SUPT3H: variants seen among roughly 807,000 people sequenced by gnomAD.
SUPT3H encodes the protein SPT3 homolog, SAGA and STAGA complex component.
In SUPT3H, 44 loss-of-function variants were observed where a neutral mutation model predicts 44.3. That is an observed-to-expected ratio of 0.99 (90% CI 0.78 to 1.28). The LOEUF (loss-of-function observed/expected upper bound fraction) is 1.28, where lower values mean the gene tolerates loss of function less well. Among genes scored for constraint, SUPT3H ranks in the 50% most tolerant of loss-of-function variants. SUPT3H has a pLI of 0.00. For missense variants in SUPT3H, 380 were observed against 387.1 expected (o/e 0.98, Z 0.15); for synonymous variants, 124 against 125.6 (o/e 0.99, Z 0.09).
intron 10 of SUPT3H, among the ~76,000 whole-genome samples, chr6:44,895,337 T>A (rs1763975508): frequency 6.6e-6 from 1 of 151,018 alleles, no homozygotes; most frequent in South Asian, 2.1e-4. Flanking sequence ...CAAGGGATCT[T>A]CCTGTTTCAG....
Position 45,158,298 on chromosome 6 carries a change from A to ATATATTTTTTTTTT in SUPT3H, c.102-52293_102-52292insAAAAAAAAAATATA. Among the ~76,000 whole-genome samples the ATATATTTTTTTTTT allele has an allele frequency of 5.0e-5, 5 of 99,688 alleles. 1 individual carries two copies. Among genetic ancestry groups the ATATATTTTTTTTTT allele is most frequent in the African/African-American group, 2.5e-4 (5 of 19,982 alleles). The allele number at this position is 99,688 out of a possible 152,430, so 65.4% of individuals were successfully genotyped here. A position where few individuals can be genotyped will look rare whatever the true frequency, so the allele number is the denominator to read the frequency against. On this transcript the variant is annotated intron_variant, in intron 2 of 10. Coordinates refer to ENST00000371459, the MANE Select transcript of SUPT3H (RefSeq NM_003599.4). ...TACATATATATATATATATATATAT[A>ATATATTTTTTTTTT]TTTTTTTTTTTTTTTTTTTGAGATG... is the stretch of plus-strand genomic sequence containing the variant.
intron 2 of SUPT3H, among the ~76,000 whole-genome samples, chr6:45,231,209 T>C (rs1171887266): frequency 1.3e-5 from 2 of 152,206 alleles, no homozygotes; most frequent in African/African-American, 4.8e-5. Flanking sequence ...AGTGTTTTCA[T>C]AATGGTAACT....
intron 2 of SUPT3H, among the ~76,000 whole-genome samples, chr6:45,157,610 A>G (rs539819985): frequency 6.6e-6 from 1 of 151,910 alleles, no homozygotes; most frequent in East Asian, 1.9e-4. Context: ...GTGCAGTGGC[A>G]CTATCTCAGC....
At chr6:44,811,215 C>T (rs1766497450) in intron 11 of SUPT3H, among the ~76,000 whole-genome samples, 1 of 152,124 alleles carries the variant, frequency 6.6e-6, no homozygotes, top group Non-Finnish European at 1.5e-5. Flanking sequence ...CTTTCCTTGA[C>T]AGTTTTGAGG....
chr6:44,962,660 C>T (rs1249522045), intron 6 of SUPT3H, among the ~76,000 whole-genome samples: 1 of 151,418 alleles, frequency 6.6e-6, no homozygotes, highest in African/African-American at 2.4e-5. Flanking sequence ...ACCATTTCTT[C>T]TAATGTCTGT....
intron 2 of SUPT3H, among the ~76,000 whole-genome samples, chr6:45,165,168 G>A (rs1583952338): frequency 6.6e-6 from 1 of 152,120 alleles, no homozygotes; most frequent in South Asian, 2.1e-4. Flanking sequence ...CCTGTCTGTG[G>A]TGCAACCCTA....
At chr6:45,131,436 C>CAA (rs1389538597) in intron 2 of SUPT3H, among the ~76,000 whole-genome samples, 2 of 152,282 alleles carry the variant, frequency 1.3e-5, no homozygotes, top group Non-Finnish European at 2.9e-5. Flanking sequence ...CACTGTACCT[C>CAA]AAGTATAGAT....
chr6:45,299,082 A>T (rs918210804), intron 2 of SUPT3H, among the ~76,000 whole-genome samples: 2 of 152,168 alleles, frequency 1.3e-5, no homozygotes, highest in African/African-American at 2.4e-5. Flanking sequence ...AGCAGTGGTC[A>T]CACCTATAAT....
chr6:45,083,641 G>A (rs890647769), intron 3 of SUPT3H, among the ~76,000 whole-genome samples: 8 of 151,434 alleles, frequency 5.3e-5, no homozygotes, highest in Non-Finnish European at 1.2e-4. Flanking sequence ...AATACCCAGA[G>A]CAATCCTAAG....
chr6:45,052,867 G>C (rs1360500120), intron 3 of SUPT3H, among the ~76,000 whole-genome samples: 1 of 152,062 alleles, frequency 6.6e-6, no homozygotes, highest in Non-Finnish European at 1.5e-5. Flanking sequence ...AAGAGGATAA[G>C]GACATTTCAG....
At chr6:44,938,075 T>A (rs1242240650) in intron 9 of SUPT3H, among the ~76,000 whole-genome samples, 1 of 151,638 alleles carries the variant, frequency 6.6e-6, no homozygotes, top group Admixed American at 6.6e-5. Flanking sequence ...AGCTTTTTAG[T>A]TTAATTAAGT....
chr6:45,305,896 C>G (rs1379061579), intron 2 of SUPT3H, among the ~76,000 whole-genome samples: 2 of 152,216 alleles, frequency 1.3e-5, no homozygotes, highest in Non-Finnish European at 2.9e-5. Flanking sequence ...AAGCCAAGCC[C>G]TCACTGCTCA....
At chr6:45,121,913 T>C (rs950240110) in intron 2 of SUPT3H, among the ~76,000 whole-genome samples, 2 of 151,900 alleles carry the variant, frequency 1.3e-5, no homozygotes, top group East Asian at 1.9e-4. Flanking sequence ...CCTGACCTCA[T>C]GATCCACCCG....
intron 10 of SUPT3H, among the ~76,000 whole-genome samples, chr6:44,929,023 C>A (rs1485801343): frequency 6.6e-6 from 1 of 151,640 alleles, no homozygotes; most frequent in African/African-American, 2.4e-5. Context: ...GTGGTGTTCA[C>A]AGGTGTGTGG....
chr6:45,208,131 T>C (rs757971902), intron 2 of SUPT3H, among the ~76,000 whole-genome samples: 4 of 152,216 alleles, frequency 2.6e-5, no homozygotes, highest in African/African-American at 7.2e-5. Context: ...AACAACTTCA[T>C]TGCTGATATG....
intron 3 of SUPT3H, among the ~76,000 whole-genome samples, chr6:45,037,010 CTTATT>C (rs1422711828): frequency 6.6e-6 from 1 of 152,006 alleles, no homozygotes; most frequent in Non-Finnish European, 1.5e-5. Context: ...GTGGGAAATA[CTTATT>C]TTATTTATAT....
At chr6:44,861,879 T>C (rs951637445) in intron 10 of SUPT3H, among the ~76,000 whole-genome samples, 5 of 152,216 alleles carry the variant, frequency 3.3e-5, no homozygotes, top group African/African-American at 1.2e-4. Flanking sequence ...TGCTTTGATC[T>C]GATTTTAATA....
intron 3 of SUPT3H, among the ~76,000 whole-genome samples, chr6:45,105,474 TTACTCAG>T (rs199775185): frequency 0.022 from 3,358 of 152,246 alleles, 134 homozygotes; most frequent in African/African-American, 0.075. Flanking sequence ...AATTATGAGG[TTACTCAG>T]TGCATATAAA....
intron 2 of SUPT3H, among the ~76,000 whole-genome samples, chr6:45,113,607 C>T (rs947398030): frequency 1.3e-5 from 2 of 152,006 alleles, no homozygotes; most frequent in African/African-American, 2.4e-5. Context: ...GGGTAGATCA[C>T]CTGAGGTCAG....
Sources: allele counts gnomAD v4.1 joint callset (sites outside exome capture counted in the v4.1 genomes callset), GRCh38; gene constraint gnomAD v4.1.1; transcripts MANE v1.5; gene names NCBI Gene and HGNC (gene_info 2026-07-23, HGNC 2026-07-21).